SYBU: variants seen among roughly 807,000 people sequenced by gnomAD.
The protein encoded by SYBU is GOLSYN A protein.
SYBU carries 21 observed loss-of-function variants against 35.9 expected under a neutral mutation model. That is an observed-to-expected ratio of 0.58 (90% CI 0.41 to 0.84). SYBU has a LOEUF of 0.84. Among genes scored for constraint, SYBU ranks in the 40% least tolerant of loss-of-function variants. The pLI, the probability that SYBU is intolerant of heterozygous loss-of-function variation, is 0.00. For missense variants in SYBU, 768 were observed against 848.2 expected, an observed-to-expected ratio of 0.91 and a Z score of 1.17; for synonymous variants, 319 against 324.3, an observed-to-expected ratio of 0.98 and a Z score of 0.18.
At chr8:109,624,291 T>C (rs1812747426) in intron 2 of SYBU, among the ~76,000 whole-genome samples, 1 of 152,186 alleles carries the variant, frequency 6.6e-6, no homozygotes, top group Non-Finnish European at 1.5e-5. Flanking sequence ...TTCTTTATAT[T>C]GAAAATTGGC....
chr8:109,658,814 C>G (rs762917519), intron 1 of SYBU, among the ~76,000 whole-genome samples: 1 of 152,082 alleles, frequency 6.6e-6, no homozygotes, highest in South Asian at 2.1e-4. Flanking sequence ...ATTAGCTGGG[C>G]GTGGTGGCGC....
intron 1 of SYBU, among the ~76,000 whole-genome samples, chr8:109,653,765 G>A (rs1040074137): frequency 1.3e-5 from 2 of 152,054 alleles, no homozygotes; most frequent in Admixed American, 6.6e-5. Flanking sequence ...AAAATAGGAG[G>A]TATTAAGAGA....
rs1040517733 is a variant in SYBU, at chr8:109,644,790, C to G, written c.-131G>C. 1 of 912,810 alleles carries G rather than the reference C, an allele frequency of 1.1e-6. No homozygotes were observed. The highest frequency in any genetic ancestry group is 1.5e-6 in the Non-Finnish European group (1 of 673,554). 56.5% of individuals were successfully genotyped at this position (912,810 alleles called of 1,614,324 possible). On this transcript the variant is annotated 5_prime_UTR_variant, in exon 1 of 7. Transcript: ENST00000276646. ...GCGGCGGCTCTTGGTGAGGCTCCAA[C>G]GCGCCGCCGCCGCCACTGCCGCCGA...
chr8:109,627,607 G>A (rs1813130581), intron 2 of SYBU, among the ~76,000 whole-genome samples: 1 of 152,170 alleles, frequency 6.6e-6, no homozygotes, highest in African/African-American at 2.4e-5. Context: ...AGGATTCAAA[G>A]TAAGGTTTGT....
rs761152513 is a variant in SYBU at position 109,579,960 on chromosome 8, C to T, written c.573G>A (p.Lys191=). 3.1e-6 allele frequency: 5 copies of T among 1,613,520 alleles called. No individual in the cohort carries two copies. The highest frequency in any genetic ancestry group is 4.2e-6 in the Non-Finnish European group (5 of 1,180,036). ...GCGGGGATGATGGGCTGCTGCCAGG[C>T]TTGTGTGACGAAGCTCCATTACTCC... The part of the protein sequence containing the change: ...HGRSNGASSH[K]PGSSPSSPRE... The change falls in exon 5 of 7, where the codon AAG becomes AAA. Residue 191 remains lysine, a synonymous_variant. Transcript: ENST00000276646.
chr8:109,650,789 A>C (rs1816098434), intron 1 of SYBU, among the ~76,000 whole-genome samples: 1 of 152,206 alleles, frequency 6.6e-6, no homozygotes, highest in Non-Finnish European at 1.5e-5. Flanking sequence ...CAAGAGAAAA[A>C]ATATGCCTTT....
In SYBU at chr8:109,574,149, T is replaced by A. The variant is rs1394022710; in HGVS notation, c.*757A>T. ...GATCTGCTATTCATTGTCTTTCTTA[T>A]ACATAGAAGTAAAATCACAGAAATA... On this transcript the variant is annotated 3_prime_UTR_variant, in exon 7 of 7. Transcript: ENST00000276646. 2 of 152,260 alleles carry A rather than the reference T, an allele frequency of 1.3e-5. No individual in the cohort carries two copies. The highest frequency in any genetic ancestry group is 6.5e-5 in the Admixed American group (1 of 15,282). The allele number at this position is 152,260 out of a possible 1,614,324, so 9.4% of individuals were successfully genotyped here.
intron 3 of SYBU, among the ~76,000 whole-genome samples, chr8:109,598,106 T>A (rs916415501): frequency 2.0e-5 from 3 of 152,198 alleles, no homozygotes; most frequent in Non-Finnish European, 4.4e-5. Flanking sequence ...CCTCCAGGAA[T>A]ATAGATGCTA....
intron 2 of SYBU, among the ~76,000 whole-genome samples, chr8:109,631,865 C>A (rs1201187001): frequency 6.6e-6 from 1 of 151,986 alleles, no homozygotes; most frequent in East Asian, 1.9e-4. Flanking sequence ...ATCTTTCTGA[C>A]CTTCCCTCTC....
chr8:109,670,343 AC>A (rs1229313496), intron 1 of SYBU, among the ~76,000 whole-genome samples: 10 of 151,826 alleles, frequency 6.6e-5, no homozygotes, highest in African/African-American at 2.4e-4. Context: ...GGTGTGCTGC[AC>A]CCATTAACTC....
chr8:109,612,925 A>G (rs1416076935), intron 3 of SYBU, among the ~76,000 whole-genome samples: 1 of 149,540 alleles, frequency 6.7e-6, no homozygotes, highest in Non-Finnish European at 1.5e-5. Context: ...GGTTGCAGTG[A>G]GCTGAGACTG....
chr8:109,615,579 T>C (rs1811645267), intron 3 of SYBU, among the ~76,000 whole-genome samples: 1 of 152,112 alleles, frequency 6.6e-6, no homozygotes, highest in Non-Finnish European at 1.5e-5. Context: ...TTTCCAGTGA[T>C]GACATTAGAA....
At chr8:109,682,733 G>A (rs1159725284), upstream of SYBU, among the ~76,000 whole-genome samples, 2 of 152,124 alleles carry the variant, frequency 1.3e-5, no homozygotes, top group Admixed American at 6.6e-5. Context: ...ATGTCTCCAG[G>A]GCATATCAAA....
At chr8:109,614,779 T>G (rs1811551061) in intron 3 of SYBU, among the ~76,000 whole-genome samples, 1 of 152,252 alleles carries the variant, frequency 6.6e-6, no homozygotes, top group African/African-American at 2.4e-5. Flanking sequence ...ACTGTAGTAC[T>G]GTTTTCTTTT....
intron 2 of SYBU, among the ~76,000 whole-genome samples, chr8:109,620,687 T>C (rs1812312422): frequency 6.6e-6 from 1 of 152,148 alleles, no homozygotes; most frequent in South Asian, 2.1e-4. Context: ...CGGGCTCTTT[T>C]AAATACGTTG....
intron 1 of SYBU, among the ~76,000 whole-genome samples, chr8:109,650,098 C>A (rs1291206180): frequency 6.6e-6 from 1 of 152,074 alleles, no homozygotes; most frequent in Non-Finnish European, 1.5e-5. Flanking sequence ...CCCAGGAGGG[C>A]AGCTATAGAG....
intron 1 of SYBU, among the ~76,000 whole-genome samples, chr8:109,659,008 T>C (rs1816465620): frequency 6.6e-6 from 1 of 152,124 alleles, no homozygotes; most frequent in Admixed American, 6.6e-5. Context: ...TGCATTCACC[T>C]GCTTGGCCTC....
At chr8:109,678,404 G>C (rs1360342859) in intron 1 of SYBU, among the ~76,000 whole-genome samples, 1 of 151,064 alleles carries the variant, frequency 6.6e-6, no homozygotes, top group Non-Finnish European at 1.5e-5. Flanking sequence ...TGCTGTCTGG[G>C]GGTGGGGTGG....
intron 3 of SYBU, among the ~76,000 whole-genome samples, chr8:109,603,730 T>C (rs1825788283): frequency 6.6e-6 from 1 of 152,184 alleles, no homozygotes; most frequent in South Asian, 2.1e-4. Flanking sequence ...GAAACAGTAG[T>C]TTTGAAAATA....
Sources: gnomAD v4.1 joint callset for allele counts (sites outside exome capture counted in the v4.1 genomes callset) on GRCh38, gnomAD v4.1.1 for gene constraint, MANE v1.5 for transcripts, NCBI Gene and HGNC (gene_info 2026-07-23, HGNC 2026-07-21) for gene names.